PITPNM3: variants seen among roughly 807,000 people sequenced by gnomAD.
The protein encoded by PITPNM3 is PITPNM family member 3, also known as membrane-associated phosphatidylinositol transfer protein 3.
In PITPNM3, 26 loss-of-function variants were observed where a neutral mutation model predicts 102.0. The ratio of observed to expected loss-of-function variants is 0.25; its 90% confidence interval spans 0.19 to 0.35. The LOEUF (loss-of-function observed/expected upper bound fraction) is 0.35. Among genes scored for constraint, PITPNM3 ranks in the 10% least tolerant of loss-of-function variants. The probability of loss-of-function intolerance (pLI) is 1.00; values close to 1 mark genes in which losing one functional copy is unlikely to be tolerated. For missense variants in PITPNM3, 1,083 were observed against 1,346.1 expected (o/e 0.80, Z 3.06); for synonymous variants, 578 against 558.6 (o/e 1.03, Z -0.49).
rs112803320 is a variant in PITPNM3, at chr17:6,502,944, C to T, written c.274+583G>A. Among the ~76,000 whole-genome samples the T allele has an allele frequency of 5.9e-3, 903 of 152,268 alleles. 4 individuals are homozygous for T. Among genetic ancestry groups the T allele is most frequent in the Non-Finnish European group, 0.011 (738 of 68,026 alleles). On this transcript the variant is annotated intron_variant, in intron 4 of 19. Transcript: ENST00000262483. The stretch of plus-strand genomic sequence containing the variant: ...ACACAGGGGGAAGGAAACCTGGAGA[C>T]GCCTGTATAACACAGAGGACAGGGA...
At chr17:6,516,563 C>A (rs77866585) in intron 3 of PITPNM3, among the ~76,000 whole-genome samples, 1,243 of 113,216 alleles carry the variant, frequency 0.011, no homozygotes, top group South Asian at 0.016. Context: ...GACTCCGCCT[C>A]AAAAAAAAAA....
At chr17:6,544,654 T>TCTCTCACACACACACA (rs376230474) in intron 1 of PITPNM3, among the ~76,000 whole-genome samples, 71 of 130,270 alleles carry the variant, frequency 5.5e-4, no homozygotes, top group African/African-American at 2.2e-3. Context: ...TCTCTCTCTC[T>TCTCTCACACACACACA]CACACACACA....
chr17:6,472,913 G>T lies in PITPNM3; in HGVS notation c.1259-86C>A. 1 of 1,495,472 alleles carries T rather than the reference G, an allele frequency of 6.7e-7. No homozygotes were observed. 92.6% of individuals were successfully genotyped at this position (1,495,472 alleles called of 1,614,324 possible). A position where few individuals can be genotyped will look rare whatever the true frequency, so the allele number is the denominator to read the frequency against. Reference sequence around the variant, plus strand: ...GAGGCTCCCTGGAATGCAGCCTGGAGTAGCCTACTCCCCTCTCAAGAGCCT... The same window carrying T: ...GAGGCTCCCTGGAATGCAGCCTGGATTAGCCTACTCCCCTCTCAAGAGCCT... On this transcript the variant is annotated intron_variant, in intron 10 of 19. Transcript: ENST00000262483. This position sits in a 1 kb window ranked among gnomAD's most constrained non-coding sequence, Gnocchi z 4.1.
intron 11 of PITPNM3, 149 bp from the exon 12 acceptor site, chr17:6,471,504 C>T (rs1220066442): frequency 2.5e-6 from 2 of 792,242 alleles, no homozygotes; most frequent in Non-Finnish European, 3.9e-6. Flanking sequence ...GCACCTGCCC[C>T]TCTCACTGTG....
At position 6,525,357 on chromosome 17, in the gene PITPNM3, T is replaced by C. The variant is rs1400324802; in HGVS notation, c.225A>G (p.Gln75=). 3.7e-6 allele frequency: 6 copies of C among 1,613,926 alleles called. No homozygotes were observed. Among genetic ancestry groups the C allele is most frequent in the Non-Finnish European group, 4.2e-6 (5 of 1,179,874 alleles). ...IETMGKLDEH[Q]GEGTAPCTSS... is the part of the protein sequence containing the mutation. The stretch of plus-strand genomic sequence containing the variant: ...GTCATGAGAGAAGCAGAGTCTCACC[T>C]TGATGCTCGTCCAGTTTCCCCATGG... Residue 75 remains glutamine (Q), a splice_region_variant and synonymous_variant, in exon 3 of 20, where the codon CAA becomes CAG. Coordinates refer to ENST00000262483, the MANE Select transcript of PITPNM3 (RefSeq NM_031220.4).
chr17:6,534,658 T>C (rs1317473412), intron 2 of PITPNM3, among the ~76,000 whole-genome samples: 1 of 152,160 alleles, frequency 6.6e-6, no homozygotes, highest in Non-Finnish European at 1.5e-5. Context: ...TCCCTATTAG[T>C]GCACTGAGGA....
chr17:6,455,654 CAGGGGAGGGCAGGGG>C lies in PITPNM3; in HGVS notation c.2620-26_2620-12del, dbSNP rs760577412. On this transcript the variant is annotated splice_polypyrimidine_tract_variant and intron_variant, in intron 19 of 19. Transcript: ENST00000262483. ...GCCCTCGCTCAGGAACTGCGGAGGG[CAGGGGAGGGCAGGGG>C]AGGGCAGGGCAGGGCAGCAGCGCAG... The C allele has an allele frequency of 3.8e-5, 42 of 1,112,418 alleles. No homozygotes were observed. Among genetic ancestry groups the C allele is most frequent in the Non-Finnish European group, 4.5e-5 (39 of 859,908 alleles). 68.9% of individuals were successfully genotyped at this position (1,112,418 alleles called of 1,614,324 possible). A position where few individuals can be genotyped will look rare whatever the true frequency, so the allele number is the denominator to read the frequency against.
rs1909496854 is a variant in PITPNM3 at position 6,537,349 on chromosome 17, T to C, written c.118+638A>G. On this transcript the variant is annotated intron_variant, in intron 2 of 19. Coordinates refer to ENST00000262483, the MANE Select transcript of PITPNM3 (RefSeq NM_031220.4). The surrounding 1 kb of genome is among the most constrained non-coding windows in gnomAD (Gnocchi z 4.4). ...CCTCTGCCTCCCGGGTCCAAGCGAT[T>C]CTCCCGCCTCAGCTTCCCCAGTAGC... Among the ~76,000 whole-genome samples, 2 of 151,650 alleles carry C rather than the reference T, an allele frequency of 1.3e-5. No individual in the cohort carries two copies. The highest frequency in any genetic ancestry group is 2.9e-5 in the Non-Finnish European group (2 of 67,930).
intron 3 of PITPNM3, among the ~76,000 whole-genome samples, chr17:6,514,707 A>G (rs999566326): frequency 2.6e-5 from 4 of 152,210 alleles, no homozygotes; most frequent in African/African-American, 9.7e-5. Context: ...GCTCTTCAAA[A>G]AGTTAAACAG....
At position 6,470,068 on chromosome 17, in the gene PITPNM3, T is replaced by C. The variant is rs569067672; in HGVS notation, c.1773+192A>G. 9.8e-5 allele frequency among the ~76,000 whole-genome samples: 15 copies of C among 152,350 alleles called. No individual in the cohort carries two copies. Among genetic ancestry groups the C allele is most frequent in the Admixed American group, 7.2e-4 (11 of 15,308 alleles). On this transcript the variant is annotated intron_variant, in intron 13 of 19. Coordinates refer to ENST00000262483, the MANE Select transcript of PITPNM3 (RefSeq NM_031220.4). The surrounding 1 kb of genome is among the most constrained non-coding windows in gnomAD (Gnocchi z 4.8). Reference sequence around the variant, plus strand: ...ATGCCGTCAGCCACCCAGGAGCCAATGTCTTTATGAAGCCCATTCTCTGGT... The same window carrying C: ...ATGCCGTCAGCCACCCAGGAGCCAACGTCTTTATGAAGCCCATTCTCTGGT...
intron 2 of PITPNM3, among the ~76,000 whole-genome samples, chr17:6,526,120 C>A (rs753888450): frequency 2.6e-5 from 4 of 152,296 alleles, no homozygotes; most frequent in Non-Finnish European, 5.9e-5. Context: ...AACTTTATGA[C>A]CCTCTTAATT....
At chr17:6,555,347 T>C (rs142686876) in intron 1 of PITPNM3, among the ~76,000 whole-genome samples, 34 of 152,254 alleles carry the variant, frequency 2.2e-4, no homozygotes, top group Non-Finnish European at 4.7e-4. Context: ...TGGGGGTGGA[T>C]TGACACACAG....
rs115927647 is a variant in PITPNM3 at position 6,510,621 on chromosome 17, G to A, written c.227-7047C>T. ...TGACACAGAGTAAGTGTCCATTCCT[G>A]TGCATTGCATGCATAAGTGAGGGAA... On this transcript the variant is annotated intron_variant, in intron 3 of 19. Coordinates refer to ENST00000262483, the MANE Select transcript of PITPNM3 (RefSeq NM_031220.4). Among the ~76,000 whole-genome samples the A allele has an allele frequency of 5.0e-3, 762 of 152,356 alleles. 7 individuals are homozygous for A. The highest frequency in any genetic ancestry group is 0.017 in the African/African-American group (726 of 41,576).
intron 1 of PITPNM3, 127 bp from the exon 2 acceptor site, chr17:6,538,209 G>A: frequency 1.4e-6 from 1 of 723,864 alleles, no homozygotes; most frequent in Non-Finnish European, 2.5e-6. Context: ...TCCCTCCGAG[G>A]CCTCAGACCT....
chr17:6,521,763 C>T (rs2150637570), intron 3 of PITPNM3, among the ~76,000 whole-genome samples: 1 of 152,116 alleles, frequency 6.6e-6, no homozygotes, highest in South Asian at 2.1e-4. Context: ...AGAGGAGATC[C>T]GTGAATCCCA....
At chr17:6,473,462 C>A (rs946520238) in intron 10 of PITPNM3, among the ~76,000 whole-genome samples, 4 of 152,202 alleles carry the variant, frequency 2.6e-5, no homozygotes, top group Non-Finnish European at 2.9e-5. Flanking sequence ...GTTCTGCCTC[C>A]TCGCCTCCAT....
chr17:6,460,132 G>A (rs1220334272), intron 18 of PITPNM3, among the ~76,000 whole-genome samples: 1 of 152,148 alleles, frequency 6.6e-6, no homozygotes, highest in East Asian at 1.9e-4. Flanking sequence ...GATTTGCCAA[G>A]TTTGGGCCCC....
At position 6,468,152 on chromosome 17, in the gene PITPNM3, C is replaced by A. The variant is rs1276573880; in HGVS notation, c.1890+73G>T. ...GAAGCGCTTACCTCCCATGTGGATGCCCCAGCCCCCGGGCCAGCCCCACCT... is the reference window on the plus strand; with the variant it reads ...GAAGCGCTTACCTCCCATGTGGATGACCCAGCCCCCGGGCCAGCCCCACCT... On this transcript the variant is annotated intron_variant, in intron 14 of 19. Transcript: ENST00000262483. The surrounding 1 kb of genome is among the most constrained non-coding windows in gnomAD (Gnocchi z 5.2). 6 of 1,445,566 alleles carry A rather than the reference C, an allele frequency of 4.2e-6. No homozygotes were observed. Among genetic ancestry groups the A allele is most frequent in the Non-Finnish European group, 5.8e-6 (6 of 1,032,302 alleles). The allele number at this position is 1,445,566 out of a possible 1,614,324, so 89.5% of individuals were successfully genotyped here.
intron 2 of PITPNM3, among the ~76,000 whole-genome samples, chr17:6,528,494 ATGTG>A (rs920756697): frequency 2.0e-5 from 3 of 150,080 alleles, no homozygotes; most frequent in African/African-American, 5.0e-5. Flanking sequence ...GTGTGCATGC[ATGTG>A]TGAGTGCATA....
Sources: allele counts gnomAD v4.1 joint callset (sites outside exome capture counted in the v4.1 genomes callset), GRCh38; gene constraint gnomAD v4.1.1; non-coding constraint Gnocchi (gnomAD v3.1); transcripts MANE v1.5; gene names NCBI Gene and HGNC (gene_info 2026-07-23, HGNC 2026-07-21).